The following LHFPL2 variants were observed in gnomAD, a reference collection of about 807,000 sequenced individuals.
LHFPL2 encodes LHFPL tetraspan subfamily member 2, also known as LHFPL tetraspan subfamily member 2 protein.
Under a neutral mutation model 17.5 loss-of-function variants are expected in LHFPL2, and 7 were observed. That is an observed-to-expected ratio of 0.40 (90% CI 0.23 to 0.75). The LOEUF (loss-of-function observed/expected upper bound fraction) is 0.75. LHFPL2 is among the 30% of genes least tolerant of loss of function. The pLI is 0.37. For synonymous variants in LHFPL2, 134 were observed against 116.2 expected (o/e 1.15, Z -0.99); for missense variants, 241 against 294.8 (o/e 0.82, Z 1.34).
intron 2 of LHFPL2, among the ~76,000 whole-genome samples, chr5:78,627,497 G>T (rs965499261): frequency 2.0e-5 from 3 of 152,140 alleles, no homozygotes; most frequent in Non-Finnish European, 4.4e-5. Context: ...TTCTCTTAAA[G>T]AAACCTTTAT....
intron 1 of LHFPL2, among the ~76,000 whole-genome samples, chr5:78,638,337 G>C (rs924844049): frequency 1.3e-5 from 2 of 152,170 alleles, no homozygotes; most frequent in East Asian, 1.9e-4. Flanking sequence ...CTGGGTGACA[G>C]AGCGAGACAC....
rs200083246 is a variant in LHFPL2 at position 78,587,138 on chromosome 5, A to G, written c.-244-22267T>C. ...TCCTTGCCATATGAATTGTAGAAAA[A>G]CAGAAACCAAACGAGGCAAGTCTAA... On this transcript the variant is annotated intron_variant, in intron 2 of 4. Transcript: ENST00000380345. Among the ~76,000 whole-genome samples the G allele has an allele frequency of 2.0e-5, 3 of 152,214 alleles. No homozygotes were observed. In the East Asian group the frequency reaches 5.8e-4, roughly 29 times the overall value.
At chr5:78,502,492 T>C (rs1364785286) in intron 4 of LHFPL2, among the ~76,000 whole-genome samples, 1 of 152,230 alleles carries the variant, frequency 6.6e-6, no homozygotes, top group Non-Finnish European at 1.5e-5. Flanking sequence ...TACTTCACAT[T>C]CGGGGTGAGA....
intron 3 of LHFPL2, among the ~76,000 whole-genome samples, chr5:78,546,098 G>A (rs1756262386): frequency 6.6e-6 from 1 of 152,168 alleles, no homozygotes; most frequent in Non-Finnish European, 1.5e-5. Context: ...CCGTCTGTGA[G>A]CCATTAAACC....
At chr5:78,596,720 A>C (rs1743837488) in intron 2 of LHFPL2, among the ~76,000 whole-genome samples, 1 of 152,220 alleles carries the variant, frequency 6.6e-6, no homozygotes, top group Non-Finnish European at 1.5e-5. Context: ...AGGAACCCAG[A>C]AAAGCAATCT....
rs2112279883 is a variant in LHFPL2 at position 78,488,104 on chromosome 5, A to G, written c.*793T>C. 6.6e-6 allele frequency: 1 copy of G among 152,354 alleles called. No homozygotes were observed. The highest frequency in any genetic ancestry group is 2.1e-4 in the South Asian group (1 of 4,832). The allele number at this position is 152,354 out of a possible 1,614,324, so 9.4% of individuals were successfully genotyped here. A position where few individuals can be genotyped will look rare whatever the true frequency, so the allele number is the denominator to read the frequency against. On this transcript the variant is annotated 3_prime_UTR_variant, in exon 5 of 5. Coordinates refer to ENST00000380345, the MANE Select transcript of LHFPL2 (RefSeq NM_005779.3). ...AAAGCACAATCCTAACCTTAGAAGA[A>G]AAACATGTGATCTCCAGAAGAAGAG...
intron 2 of LHFPL2, among the ~76,000 whole-genome samples, chr5:78,584,999 T>TAAGCCCATTGGAAAAGCGCAGTA (rs1356291053): frequency 2.6e-5 from 2 of 76,794 alleles, no homozygotes; most frequent in Non-Finnish European, 6.2e-5. Context: ...CGCTGTGTTT[T>TAAGCCCATTGGAAAAGCGCAGTA]TTTTTTTTTT....
chr5:78,494,639 TG>T (rs1754548701), intron 4 of LHFPL2: 3 of 383,306 alleles, frequency 7.8e-6, no homozygotes, highest in Non-Finnish European at 1.1e-5. Flanking sequence ...CCGATGGTCA[TG>T]GTATTGTATT....
At chr5:78,541,634 C>T (rs1179482253) in intron 3 of LHFPL2, among the ~76,000 whole-genome samples, 2 of 152,162 alleles carry the variant, frequency 1.3e-5, no homozygotes, top group African/African-American at 4.8e-5. Context: ...TGTGACCAGC[C>T]TGCCACCTGA....
At chr5:78,524,053 G>A (rs569736275) in intron 3 of LHFPL2, among the ~76,000 whole-genome samples, 41 of 152,226 alleles carry the variant, frequency 2.7e-4, no homozygotes, top group Non-Finnish European at 1.8e-4. Flanking sequence ...GGGAACACTC[G>A]GTTTTGCCTG....
intron 3 of LHFPL2, among the ~76,000 whole-genome samples, chr5:78,522,485 CCCAAA>C (rs1755487403): frequency 6.6e-6 from 1 of 152,102 alleles, no homozygotes; most frequent in Non-Finnish European, 1.5e-5. Context: ...TTGCTGACCT[CCCAAA>C]CCAAAGAATT....
rs1756576044 is a variant in LHFPL2, at chr5:78,556,533, T to C, written c.-186+8280A>G. Among the ~76,000 whole-genome samples the C allele has an allele frequency of 2.0e-5, 3 of 152,300 alleles. No individual in the cohort carries two copies. The East Asian group carries it at 5.8e-4, about 29-fold the overall frequency. Reference sequence around the variant, plus strand: ...TATACTGCCAATGAGGGCCCAACTTTCCTGGAAATATTTTTTATAACTAAA... The same window carrying C: ...TATACTGCCAATGAGGGCCCAACTTCCCTGGAAATATTTTTTATAACTAAA... On this transcript the variant is annotated intron_variant, in intron 3 of 4. Transcript: ENST00000380345.
At chr5:78,597,920 T>C (rs777122347) in intron 2 of LHFPL2, among the ~76,000 whole-genome samples, 2 of 152,166 alleles carry the variant, frequency 1.3e-5, no homozygotes, top group Non-Finnish European at 2.9e-5. Context: ...TTCCCAAACA[T>C]TATAAATCCA....
At chr5:78,516,577 C>T (rs1311850984) in intron 3 of LHFPL2, among the ~76,000 whole-genome samples, 1 of 152,062 alleles carries the variant, frequency 6.6e-6, no homozygotes, top group Non-Finnish European at 1.5e-5. Flanking sequence ...TCACAGAGGG[C>T]AATTTTGAAT....
At chr5:78,637,390 G>T (rs13183950) in intron 1 of LHFPL2, among the ~76,000 whole-genome samples, 7 of 151,530 alleles carry the variant, frequency 4.6e-5, no homozygotes, top group South Asian at 2.1e-4. Context: ...AACTAGCTTG[G>T]GGGGAGGGGG....
chr5:78,517,221 CA>C (rs1283781792), intron 3 of LHFPL2, among the ~76,000 whole-genome samples: 1 of 152,228 alleles, frequency 6.6e-6, no homozygotes, highest in Non-Finnish European at 1.5e-5. Context: ...CCCCTCCCTC[CA>C]AACACACCTG....
chr5:78,587,310 G>A (rs1025313906), intron 2 of LHFPL2, among the ~76,000 whole-genome samples: 1 of 152,192 alleles, frequency 6.6e-6, no homozygotes, highest in African/African-American at 2.4e-5. Context: ...TTACTAAATA[G>A]GACAAATGAT....
At chr5:78,569,381 C>T (rs983605369) in intron 2 of LHFPL2, among the ~76,000 whole-genome samples, 3 of 152,130 alleles carry the variant, frequency 2.0e-5, no homozygotes, top group Non-Finnish European at 4.4e-5. Flanking sequence ...GAAGTCTGTC[C>T]ACATTTTAAG....
At chr5:78,579,748 G>C (rs1308206724) in intron 2 of LHFPL2, among the ~76,000 whole-genome samples, 1 of 152,090 alleles carries the variant, frequency 6.6e-6, no homozygotes, top group Admixed American at 6.5e-5. Flanking sequence ...TATCATTGTT[G>C]GACATTTGGG....
Sources: allele counts gnomAD v4.1 joint callset (sites outside exome capture counted in the v4.1 genomes callset), GRCh38; gene constraint gnomAD v4.1.1; transcripts MANE v1.5; gene names NCBI Gene and HGNC (gene_info 2026-07-23, HGNC 2026-07-21).